Variants in LINGO2 observed in about 807,000 individuals in gnomAD.
LINGO2 encodes leucine rich repeat and Ig domain containing 2.
Under a neutral mutation model 30.6 loss-of-function variants are expected in LINGO2, and 14 were observed. The observed-to-expected ratio is 0.46, with a 90% CI of 0.30 to 0.72. The LOEUF (loss-of-function observed/expected upper bound fraction) is 0.72, where lower values mean the gene tolerates loss of function less well. Ranked by LOEUF, LINGO2 falls within the 30% of genes least tolerant of loss-of-function variation. The probability of loss-of-function intolerance (pLI) is 0.07; values close to 1 mark genes in which losing one functional copy is unlikely to be tolerated. For missense variants in LINGO2, 729 were observed against 751.7 expected, an observed-to-expected ratio of 0.97 and a Z score of 0.35; for synonymous variants, 317 against 288.5, an observed-to-expected ratio of 1.10 and a Z score of -1.00.
the LINGO2 span, among the ~76,000 whole-genome samples, chr9:28,797,507 A>G: frequency 0.34 from 51,553 of 150,532 alleles, 10,585 homozygotes; most frequent in Non-Finnish European, 0.44. Context: ...CTTGAGGTTG[A>G]ACTGAGACAC....
intron 4 of LINGO2, among the ~76,000 whole-genome samples, chr9:28,075,836 C>T (rs1825607188): frequency 6.6e-6 from 1 of 151,914 alleles, no homozygotes; most frequent in Non-Finnish European, 1.5e-5. Flanking sequence ...CAAATATATT[C>T]TATTATTTCA....
intron 3 of LINGO2, among the ~76,000 whole-genome samples, chr9:28,368,594 C>CTTTTTTTTTTT (rs60310040): frequency 3.2e-5 from 4 of 123,600 alleles, no homozygotes; most frequent in Admixed American, 8.0e-5. Flanking sequence ...CTTTTCTTTT[C>CTTTTTTTTTTT]TTTTTTTTTT....
chr9:28,884,997 TA>T, the LINGO2 span, among the ~76,000 whole-genome samples: 772 of 2,498 alleles, frequency 0.31, 93 homozygotes, highest in African/African-American at 0.44. Flanking sequence ...AATAATATAT[TA>T]TATATATATA....
chr9:28,702,659 T>C, the LINGO2 span, among the ~76,000 whole-genome samples: 2 of 152,028 alleles, frequency 1.3e-5, no homozygotes, highest in East Asian at 1.9e-4. Context: ...TAGAATGAGT[T>C]AGAAAGTATT....
At chr9:29,067,327 G>A in the LINGO2 span, among the ~76,000 whole-genome samples, 1 of 151,640 alleles carries the variant, frequency 6.6e-6, no homozygotes, top group East Asian at 1.9e-4. Context: ...AGAGAAGAAT[G>A]TGGAAAATTC....
chr9:28,618,059 A>G (rs1188840866), intron 1 of LINGO2, among the ~76,000 whole-genome samples: 2 of 152,162 alleles, frequency 1.3e-5, no homozygotes, highest in Non-Finnish European at 2.9e-5. Context: ...TAGGAACTGG[A>G]TATTAGCAGC....
chr9:29,057,742 T>C, the LINGO2 span, among the ~76,000 whole-genome samples: 1 of 152,100 alleles, frequency 6.6e-6, no homozygotes, highest in Non-Finnish European at 1.5e-5. Flanking sequence ...ATACCATGGC[T>C]TCGGATCGAA....
the LINGO2 span, among the ~76,000 whole-genome samples, chr9:28,735,711 G>T: frequency 6.6e-6 from 1 of 151,740 alleles, no homozygotes; most frequent in African/African-American, 2.4e-5. Flanking sequence ...GATCTATAAT[G>T]ACATTCTTTT....
intron 4 of LINGO2, among the ~76,000 whole-genome samples, chr9:28,199,997 G>GAA (rs11325617): frequency 2.2e-4 from 27 of 123,074 alleles, no homozygotes; most frequent in Admixed American, 5.5e-4. Context: ...CTTCATTTAG[G>GAA]AAAAAAAAAA....
intron 3 of LINGO2, among the ~76,000 whole-genome samples, chr9:28,351,870 C>T (rs1464212793): frequency 6.7e-6 from 1 of 149,090 alleles, no homozygotes; most frequent in African/African-American, 2.5e-5. Context: ...AAATGTAATC[C>T]AGCATATAAA....
chr9:28,861,986 G>A, the LINGO2 span, among the ~76,000 whole-genome samples: 2 of 152,018 alleles, frequency 1.3e-5, no homozygotes, highest in Admixed American at 6.6e-5. Context: ...AAAATATTGT[G>A]ACTTCCTTCT....
chr9:28,857,065 T>C, the LINGO2 span, among the ~76,000 whole-genome samples: 1 of 151,962 alleles, frequency 6.6e-6, no homozygotes, highest in African/African-American at 2.4e-5. Flanking sequence ...TGACTCTGAG[T>C]TCTAGTTTAA....
intron 4 of LINGO2, among the ~76,000 whole-genome samples, chr9:28,199,929 C>G (rs1174339402): frequency 7.1e-6 from 1 of 140,272 alleles, no homozygotes; most frequent in African/African-American, 2.7e-5. Context: ...GATAACCAAA[C>G]AAAGAACTTC....
At chr9:28,617,381 C>T (rs1205589320) in intron 1 of LINGO2, among the ~76,000 whole-genome samples, 8 of 151,684 alleles carry the variant, frequency 5.3e-5, no homozygotes, top group Admixed American at 1.3e-4. Context: ...CTGCAACTTC[C>T]GCCTCCCAGG....
At chr9:28,244,702 A>C (rs1447363802) in intron 4 of LINGO2, among the ~76,000 whole-genome samples, 2 of 152,104 alleles carry the variant, frequency 1.3e-5, no homozygotes, top group African/African-American at 2.4e-5. Context: ...GAAAATCTAA[A>C]AGAAATGGAT....
chr9:28,498,311 T>G (rs1356891714), intron 1 of LINGO2, among the ~76,000 whole-genome samples: 1 of 152,162 alleles, frequency 6.6e-6, no homozygotes, highest in Non-Finnish European at 1.5e-5. Flanking sequence ...TCCATCCAGT[T>G]CGAGCTTCCT....
At chr9:28,641,825 A>C (rs1356025275) in intron 1 of LINGO2, among the ~76,000 whole-genome samples, 2 of 152,134 alleles carry the variant, frequency 1.3e-5, no homozygotes, top group African/African-American at 4.8e-5. Flanking sequence ...AGCAAGTGTG[A>C]TTTTTACCAG....
intron 2 of LINGO2, among the ~76,000 whole-genome samples, chr9:28,464,507 C>T (rs1031645390): frequency 2.0e-5 from 3 of 152,102 alleles, no homozygotes; most frequent in Non-Finnish European, 4.4e-5. Flanking sequence ...TATACAGTTC[C>T]TTATATGCAA....
At chr9:28,889,215 G>C in the LINGO2 span, among the ~76,000 whole-genome samples, 1 of 152,026 alleles carries the variant, frequency 6.6e-6, no homozygotes, top group Non-Finnish European at 1.5e-5. Context: ...CTTGCCTTTA[G>C]GGCAATTCTA....
Sources: gnomAD v4.1 joint callset for allele counts (sites outside exome capture counted in the v4.1 genomes callset) on GRCh38, gnomAD v4.1.1 for gene constraint, MANE v1.5 for transcripts, NCBI Gene and HGNC (gene_info 2026-07-23, HGNC 2026-07-21) for gene names.